CADPS2: variants seen among roughly 807,000 people sequenced by gnomAD.
CADPS2 encodes the protein calcium-dependent secretion activator 2.
Under a neutral mutation model 172.5 loss-of-function variants are expected in CADPS2, and 93 were observed. The observed-to-expected ratio is 0.54, with a 90% CI of 0.46 to 0.64. The LOEUF (loss-of-function observed/expected upper bound fraction) is 0.64. Ranked by LOEUF, CADPS2 falls within the 30% of genes least tolerant of loss-of-function variation. The probability of loss-of-function intolerance (pLI) is 0.00; values close to 1 mark genes in which losing one functional copy is unlikely to be tolerated. For missense variants in CADPS2, 1,420 were observed against 1,565.9 expected (o/e 0.91, Z 1.57); for synonymous variants, 546 against 555.2 (o/e 0.98, Z 0.23).
At chr7:122,777,033 C>A (rs1225796675) in intron 1 of CADPS2, among the ~76,000 whole-genome samples, 3 of 152,054 alleles carry the variant, frequency 2.0e-5, no homozygotes, top group Non-Finnish European at 2.9e-5. Context: ...TGCCTGTAGT[C>A]CCAGCTACTC....
At chr7:122,834,411 C>T (rs1039386426) in intron 1 of CADPS2, among the ~76,000 whole-genome samples, 1 of 152,162 alleles carries the variant, frequency 6.6e-6, no homozygotes, top group South Asian at 2.1e-4. Flanking sequence ...CCGGGTTCAT[C>T]TCACTGAGGT....
At chr7:122,840,049 G>C (rs1809948280) in intron 1 of CADPS2, among the ~76,000 whole-genome samples, 1 of 152,154 alleles carries the variant, frequency 6.6e-6, no homozygotes, top group Admixed American at 6.5e-5. Context: ...ATCAATGATA[G>C]ACTGGATTAA....
intron 1 of CADPS2, among the ~76,000 whole-genome samples, chr7:122,758,983 A>C (rs1209309744): frequency 3.4e-5 from 5 of 148,262 alleles, no homozygotes; most frequent in Non-Finnish European, 7.4e-5. Flanking sequence ...ATAGCATCCT[A>C]GGATTTTCTT....
rs527744823 is a variant in CADPS2 at position 122,617,948 on chromosome 7, C to T, written c.1105-2649G>A. On this transcript the variant is annotated intron_variant, in intron 5 of 29. Coordinates refer to ENST00000449022, the MANE Select transcript of CADPS2 (RefSeq NM_017954.11). ...GTCCCAGCTACTAGGGAGGCTGAGG[C>T]AGGAGAATGGTGTTAACCTGGGAGG... is the stretch of plus-strand genomic sequence containing the variant. Among the ~76,000 whole-genome samples, 69 of 151,408 alleles carry T rather than the reference C, an allele frequency of 4.6e-4. 1 individual carries two copies. The highest frequency in any genetic ancestry group is 2.9e-3 in the South Asian group (14 of 4,792).
intron 8 of CADPS2, among the ~76,000 whole-genome samples, chr7:122,533,391 T>C (rs1220390131): frequency 6.6e-6 from 1 of 152,172 alleles, no homozygotes; most frequent in Non-Finnish European, 1.5e-5. Flanking sequence ...TTTATATCCA[T>C]TTCTTTATCA....
chr7:122,591,571 A>G (rs1186985619), intron 6 of CADPS2, among the ~76,000 whole-genome samples: 1 of 152,178 alleles, frequency 6.6e-6, no homozygotes, highest in Admixed American at 6.6e-5. Flanking sequence ...GCATCATGCT[A>G]CCTGATTTCA....
chr7:122,869,040 A>C (rs967103145), intron 1 of CADPS2, among the ~76,000 whole-genome samples: 3 of 152,084 alleles, frequency 2.0e-5, no homozygotes, highest in Non-Finnish European at 4.4e-5. Flanking sequence ...AAAAGACTGA[A>C]GATAACCTAA....
At chr7:122,721,541 T>C (rs1238038335) in intron 2 of CADPS2, among the ~76,000 whole-genome samples, 2 of 152,122 alleles carry the variant, frequency 1.3e-5, no homozygotes, top group African/African-American at 4.8e-5. Context: ...ATTGAGGCAA[T>C]AATTAATAGC....
intron 20 of CADPS2, 125 bp from the exon 21 acceptor site, chr7:122,393,707 G>A: frequency 2.2e-6 from 2 of 927,944 alleles, no homozygotes; most frequent in Non-Finnish European, 3.3e-6. Flanking sequence ...ATGCAGATGA[G>A]AGTAGATCAT....
intron 3 of CADPS2, among the ~76,000 whole-genome samples, chr7:122,659,825 T>G (rs905141479): frequency 4.6e-5 from 7 of 151,738 alleles, no homozygotes; most frequent in South Asian, 4.2e-4. Context: ...TCAGAAATCA[T>G]GCAAACAAAA....
chr7:122,794,865 T>C (rs1443479492), intron 1 of CADPS2, among the ~76,000 whole-genome samples: 1 of 151,770 alleles, frequency 6.6e-6, no homozygotes. Flanking sequence ...TGCTCCTGAA[T>C]GAATTGGGGG....
chr7:122,541,821 GTTTATATAT>G (rs2063077751), intron 8 of CADPS2, among the ~76,000 whole-genome samples: 1 of 69,666 alleles, frequency 1.4e-5, no homozygotes, highest in African/African-American at 8.1e-5. Context: ...ATATTCATAT[GTTTATATAT>G]TCATATGTTT....
At chr7:122,821,546 T>C (rs190065531) in intron 1 of CADPS2, among the ~76,000 whole-genome samples, 53 of 152,250 alleles carry the variant, frequency 3.5e-4, no homozygotes, top group Admixed American at 2.7e-3. Flanking sequence ...TTTCACTGGA[T>C]AGGTAGAGGC....
At chr7:122,397,489 G>T (rs2045310516) in intron 20 of CADPS2, among the ~76,000 whole-genome samples, 1 of 150,678 alleles carries the variant, frequency 6.6e-6, no homozygotes. Context: ...AGAGGAGAAA[G>T]AAAGAGAAAT....
chr7:122,846,705 C>A lies in CADPS2; in HGVS notation c.339+39294G>T, dbSNP rs905964718. Reference sequence around the variant, plus strand: ...AGGAAGAGTGAATAGGCTGAGCACACAAAAATGAGGTCCCAGGAAACAAAA... The same window carrying A: ...AGGAAGAGTGAATAGGCTGAGCACAAAAAAATGAGGTCCCAGGAAACAAAA... On this transcript the variant is annotated intron_variant, in intron 1 of 29. Coordinates refer to ENST00000449022, the MANE Select transcript of CADPS2 (RefSeq NM_017954.11). Among the ~76,000 whole-genome samples, 3 of 152,076 alleles carry A rather than the reference C, an allele frequency of 2.0e-5. No individual in the cohort carries two copies. The South Asian group carries it at 6.2e-4, about 32-fold the overall frequency.
chr7:122,833,891 G>C (rs1419710841), intron 1 of CADPS2, among the ~76,000 whole-genome samples: 1 of 152,122 alleles, frequency 6.6e-6, no homozygotes, highest in Non-Finnish European at 1.5e-5. Flanking sequence ...AAAAGTCTTT[G>C]ATTAATTGGA....
intron 7 of CADPS2, among the ~76,000 whole-genome samples, chr7:122,568,813 A>G (rs2066809265): frequency 6.6e-6 from 1 of 152,206 alleles, no homozygotes; most frequent in Admixed American, 6.5e-5. Context: ...AACCTGAGCC[A>G]AAAAGAAAAA....
Position 122,554,643 on chromosome 7 carries a change from T to C in CADPS2, c.1382A>G (p.His461Arg), listed in dbSNP as rs373779783. 1 of 1,611,184 alleles carries C rather than the reference T, an allele frequency of 6.2e-7. No homozygotes were observed. Among genetic ancestry groups the C allele is most frequent in the Non-Finnish European group, 8.5e-7 (1 of 1,178,614 alleles). ...GCTATTTTTTGGAACTACCATTCGG[T>C]GTAATTCAGCTGATTTGGAGCTATT... is the stretch of plus-strand genomic sequence containing the variant. ...TSNSSKSAELHRMVVPKNSQD... is the reference protein window; with the variant it reads ...TSNSSKSAELRRMVVPKNSQD... Residue 461 changes from histidine (H) to arginine (R), a missense_variant, in exon 8 of 30, where the codon CAC becomes CGC. Coordinates refer to ENST00000449022, the MANE Select transcript of CADPS2 (RefSeq NM_017954.11).
chr7:122,611,412 T>G (rs1238210408), intron 6 of CADPS2, among the ~76,000 whole-genome samples: 1 of 152,040 alleles, frequency 6.6e-6, no homozygotes, highest in African/African-American at 2.4e-5. Flanking sequence ...TTACAAAAAC[T>G]ATGATCAAAT....
Sources: allele counts gnomAD v4.1 joint callset (sites outside exome capture counted in the v4.1 genomes callset), GRCh38; gene constraint gnomAD v4.1.1; transcripts MANE v1.5; gene names NCBI Gene and HGNC (gene_info 2026-07-23, HGNC 2026-07-21).